DOCK5: variants seen among roughly 807,000 people sequenced by gnomAD.
DOCK5 encodes the protein dedicator of cytokinesis 5, also known as dedicator of cytokinesis protein 5.
Under a neutral mutation model 251.8 loss-of-function variants are expected in DOCK5, and 142 were observed. That is an observed-to-expected ratio of 0.56 (90% CI 0.49 to 0.65). The LOEUF (loss-of-function observed/expected upper bound fraction) is 0.65. Ranked by LOEUF, DOCK5 falls within the 30% of genes least tolerant of loss-of-function variation. The pLI is 0.00. For missense variants in DOCK5, 2,111 were observed against 2,312.3 expected, an observed-to-expected ratio of 0.91 and a Z score of 1.79; for synonymous variants, 842 against 835.5, an observed-to-expected ratio of 1.01 and a Z score of -0.13.
In DOCK5 at chr8:25,316,940, G is replaced by A. The variant is rs139854915; in HGVS notation, c.1319-67G>A. The A allele has an allele frequency of 1.6e-4, 258 of 1,586,892 alleles. 1 individual carries two copies. In the African/African-American group the frequency reaches 2.2e-3, roughly 14 times the overall value. ...TCGTGTTGTCTTTACCTTTTATGTC[G>A]TATGACATTCTGAAACTTAGAATGA... On this transcript the variant is annotated intron_variant, in intron 13 of 51. Transcript: ENST00000276440.
Position 25,391,993 on chromosome 8 carries a change from C to A in DOCK5, c.4440+13C>A. On this transcript the variant is annotated intron_variant, in intron 43 of 51. Transcript: ENST00000276440. Reference sequence around the variant, plus strand: ...CAATGAATTTGCTGTGAGTTCACCCCTTTTGTCCTTTAAGAGGTAAAATTA... The same window carrying A: ...CAATGAATTTGCTGTGAGTTCACCCATTTTGTCCTTTAAGAGGTAAAATTA... 2.5e-6 allele frequency: 4 copies of A among 1,612,406 alleles called. No homozygotes were observed. The highest frequency in any genetic ancestry group is 1.1e-5 in the South Asian group (1 of 90,784).
At chr8:25,213,635 G>A (rs1162099638) in intron 1 of DOCK5, among the ~76,000 whole-genome samples, 1 of 152,120 alleles carries the variant, frequency 6.6e-6, no homozygotes, top group African/African-American at 2.4e-5. Context: ...CTTCAGGGAG[G>A]AATGAACTTT....
At chr8:25,193,763 C>A (rs1197680776) in intron 1 of DOCK5, among the ~76,000 whole-genome samples, 1 of 149,338 alleles carries the variant, frequency 6.7e-6, no homozygotes, top group Non-Finnish European at 1.5e-5. Context: ...AGACCCTGGT[C>A]AAAAAAAAGG....
intron 47 of DOCK5, among the ~76,000 whole-genome samples, 193 bp downstream of exon 47, chr8:25,401,259 A>G (rs920011930): frequency 6.6e-6 from 1 of 152,106 alleles, no homozygotes; most frequent in African/African-American, 2.4e-5. Flanking sequence ...AGGTTCTCCA[A>G]CTTGAACAAC....
intron 5 of DOCK5, among the ~76,000 whole-genome samples, chr8:25,287,911 GTTTC>G (rs1247752358): frequency 6.7e-6 from 1 of 149,196 alleles, no homozygotes; most frequent in Non-Finnish European, 1.5e-5. Context: ...TTGAGATGGA[GTTTC>G]TTTCTTGTCA....
intron 25 of DOCK5, 106 bp from the exon 26 acceptor site, chr8:25,345,369 A>C: frequency 6.7e-7 from 1 of 1,501,336 alleles, no homozygotes. Flanking sequence ...GGCTGATTGC[A>C]GAGCTTAGAG....
chr8:25,281,096 A>T (rs768916986), intron 5 of DOCK5, among the ~76,000 whole-genome samples: 24 of 151,864 alleles, frequency 1.6e-4, no homozygotes, highest in Non-Finnish European at 2.5e-4. Context: ...ATCCACAAGT[A>T]ATTGTGCCAG....
chr8:25,382,669 T>C lies in DOCK5; in HGVS notation c.4027-5T>C, dbSNP rs771800010. On this transcript the variant is annotated splice_polypyrimidine_tract_variant and splice_region_variant and intron_variant, in intron 39 of 51. Transcript: ENST00000276440. ...CCCCTTGGAATGTCTTGTTTTGTTTTCCAGAAAAAAAGGGCCTCATTTTAT... is the reference window on the plus strand; with the variant it reads ...CCCCTTGGAATGTCTTGTTTTGTTTCCCAGAAAAAAAGGGCCTCATTTTAT... The C allele has an allele frequency of 1.9e-6, 3 of 1,602,936 alleles. No homozygotes were observed. Among genetic ancestry groups the C allele is most frequent in the East Asian group, 2.2e-5 (1 of 44,720 alleles).
chr8:25,320,463 G>T (rs1052968075), intron 15 of DOCK5, among the ~76,000 whole-genome samples: 26 of 152,224 alleles, frequency 1.7e-4, no homozygotes, highest in African/African-American at 6.3e-4. Context: ...CTTGCATAAG[G>T]TTCCAAAGTA....
intron 17 of DOCK5, 49 bp downstream of exon 17, chr8:25,324,000 C>A: frequency 6.7e-7 from 1 of 1,486,296 alleles, no homozygotes; most frequent in South Asian, 1.3e-5. Context: ...TTCAAATGAG[C>A]ATTTAAGACT....
chr8:25,237,739 TCA>T (rs1333794519), intron 1 of DOCK5, among the ~76,000 whole-genome samples: 2 of 152,212 alleles, frequency 1.3e-5, no homozygotes, highest in African/African-American at 4.8e-5. Flanking sequence ...TTTAATTTCC[TCA>T]GTCAAAACAA....
chr8:25,351,242 T>C (rs187639073), intron 26 of DOCK5, among the ~76,000 whole-genome samples: 1 of 152,214 alleles, frequency 6.6e-6, no homozygotes, highest in Admixed American at 6.5e-5. Flanking sequence ...TATTTTTTAG[T>C]AGAGACGGGG....
chr8:25,328,542 T>C (rs1397838099), intron 18 of DOCK5, among the ~76,000 whole-genome samples: 1 of 152,214 alleles, frequency 6.6e-6, no homozygotes, highest in African/African-American at 2.4e-5. Context: ...CAGCTAATTC[T>C]GTGAGGGTGT....
At chr8:25,384,980 T>G (rs1344104323) in intron 40 of DOCK5, among the ~76,000 whole-genome samples, 2 of 152,122 alleles carry the variant, frequency 1.3e-5, no homozygotes, top group East Asian at 3.9e-4. Flanking sequence ...GATCCTCTGT[T>G]TCAGCTGCAA....
intron 2 of DOCK5, among the ~76,000 whole-genome samples, chr8:25,259,977 T>C (rs999837733): frequency 1.3e-5 from 2 of 152,214 alleles, no homozygotes; most frequent in African/African-American, 4.8e-5. Context: ...GTGAGTTCCA[T>C]GTGGAGTGCG....
In DOCK5 at chr8:25,184,874, C is replaced by T. The variant is rs746959983; in HGVS notation, c.-35C>T. 1.2e-4 allele frequency: 158 copies of T among 1,358,818 alleles called. No individual in the cohort carries two copies. The Admixed American group carries it at 2.1e-3, about 18-fold the overall frequency. The allele number at this position is 1,358,818 out of a possible 1,614,324, so 84.2% of individuals were successfully genotyped here. ...CCGGAGCCCGAGGAGCTGTAGCAGC[C>T]TTAGTCGCCGCCGCCGCGGGGCGAG... On this transcript the variant is annotated 5_prime_UTR_variant, in exon 1 of 52. Transcript: ENST00000276440.
rs1434181484 is a variant in DOCK5, at chr8:25,184,770, G to A, written c.-139G>A. Reference sequence around the variant, plus strand: ...CGGGCGCGGGCGGCGCGGCGAGGAGGCGGCCCGCGGAGTCCAGCGAAGTTT... The same window carrying A: ...CGGGCGCGGGCGGCGCGGCGAGGAGACGGCCCGCGGAGTCCAGCGAAGTTT... On this transcript the variant is annotated 5_prime_UTR_variant, in exon 1 of 52. Coordinates refer to ENST00000276440, the MANE Select transcript of DOCK5 (RefSeq NM_024940.8). 4 of 760,432 alleles carry A rather than the reference G, an allele frequency of 5.3e-6. No individual in the cohort carries two copies. Among genetic ancestry groups the A allele is most frequent in the Middle Eastern group, 4.7e-4 (1 of 2,144 alleles). The allele number at this position is 760,432 out of a possible 1,614,324, so 47.1% of individuals were successfully genotyped here. A position where few individuals can be genotyped will look rare whatever the true frequency, so the allele number is the denominator to read the frequency against.
intron 2 of DOCK5, among the ~76,000 whole-genome samples, chr8:25,258,039 G>A (rs1440835492): frequency 2.0e-5 from 3 of 152,106 alleles, no homozygotes; most frequent in Non-Finnish European, 2.9e-5. Context: ...AAAATATAAA[G>A]CGAATTGGCC....
chr8:25,280,988 T>C (rs1804173897), intron 5 of DOCK5, among the ~76,000 whole-genome samples: 1 of 152,006 alleles, frequency 6.6e-6, no homozygotes, highest in African/African-American at 2.4e-5. Flanking sequence ...TTTTTTTTTT[T>C]TAAAGATGTA....
Sources: allele counts gnomAD v4.1 joint callset (sites outside exome capture counted in the v4.1 genomes callset), GRCh38; gene constraint gnomAD v4.1.1; transcripts MANE v1.5; gene names NCBI Gene and HGNC (gene_info 2026-07-23, HGNC 2026-07-21).